IMMP2L: variants seen among roughly 807,000 people sequenced by gnomAD.
The protein encoded by IMMP2L is inner mitochondrial membrane peptidase subunit 2.
Under a neutral mutation model 19.3 loss-of-function variants are expected in IMMP2L, and 18 were observed. The ratio of observed to expected loss-of-function variants is 0.93; its 90% CI spans 0.64 to 1.38. The LOEUF (loss-of-function observed/expected upper bound fraction) is 1.38. Among genes scored for constraint, IMMP2L ranks in the 40% most tolerant of loss-of-function variants. IMMP2L has a pLI of 0.00. For missense variants in IMMP2L, 233 were observed against 218.2 expected (o/e 1.07, Z -0.43); for synonymous variants, 76 against 73.0 (o/e 1.04, Z -0.21).
chr7:111,053,141 C>A (rs1463060460), intron 3 of IMMP2L, among the ~76,000 whole-genome samples: 1 of 152,180 alleles, frequency 6.6e-6, no homozygotes, highest in Non-Finnish European at 1.5e-5. Context: ...AGAGCAGGAA[C>A]AAAAGGAAGG....
intron 3 of IMMP2L, among the ~76,000 whole-genome samples, chr7:111,410,252 T>C (rs184753265): frequency 6.6e-5 from 10 of 151,752 alleles, no homozygotes; most frequent in Admixed American, 5.9e-4. Context: ...CATGCCTTAG[T>C]AGTGAGTCTA....
At chr7:111,198,482 G>A (rs1809740119) in intron 3 of IMMP2L, among the ~76,000 whole-genome samples, 1 of 152,072 alleles carries the variant, frequency 6.6e-6, no homozygotes, top group Non-Finnish European at 1.5e-5. Flanking sequence ...CCTACAACAT[G>A]GGTGTACCAG....
At chr7:111,338,069 A>T (rs189703931) in intron 3 of IMMP2L, among the ~76,000 whole-genome samples, 1 of 152,272 alleles carries the variant, frequency 6.6e-6, no homozygotes, top group Admixed American at 6.5e-5. Context: ...GAGTGAGACA[A>T]AGGAAGAAGG....
chr7:110,683,483 G>A (rs1386029556), intron 5 of IMMP2L, among the ~76,000 whole-genome samples: 2 of 152,000 alleles, frequency 1.3e-5, no homozygotes, highest in Non-Finnish European at 2.9e-5. Context: ...TAATTGTAAA[G>A]CTTTTACTTT....
intron 3 of IMMP2L, among the ~76,000 whole-genome samples, chr7:111,177,870 G>A (rs1187611895): frequency 6.6e-6 from 1 of 152,070 alleles, no homozygotes; most frequent in Non-Finnish European, 1.5e-5. Flanking sequence ...CTTGTTGTCA[G>A]AGGGCAGGAA....
intron 3 of IMMP2L, among the ~76,000 whole-genome samples, chr7:111,304,248 G>A (rs745369560): frequency 2.0e-5 from 3 of 152,030 alleles, no homozygotes; most frequent in Non-Finnish European, 4.4e-5. Context: ...TTTCTGTCAT[G>A]AGATGAGAAA....
At chr7:111,331,576 C>CA (rs1825879412) in intron 3 of IMMP2L, among the ~76,000 whole-genome samples, 1 of 151,238 alleles carries the variant, frequency 6.6e-6, no homozygotes, top group Admixed American at 6.6e-5. Context: ...GTTCTCACCA[C>CA]AAAAAAAGGT....
chr7:110,704,921 C>T (rs1232311815), intron 5 of IMMP2L, among the ~76,000 whole-genome samples: 1 of 152,074 alleles, frequency 6.6e-6, no homozygotes, highest in African/African-American at 2.4e-5. Context: ...AGAAAACTTT[C>T]CAGCAAAGCA....
chr7:110,823,928 G>A (rs1803246919), intron 5 of IMMP2L, among the ~76,000 whole-genome samples: 1 of 152,052 alleles, frequency 6.6e-6, no homozygotes, highest in Non-Finnish European at 1.5e-5. Flanking sequence ...CTCAGAGGCA[G>A]AAGTCTGATC....
intron 3 of IMMP2L, among the ~76,000 whole-genome samples, chr7:111,307,355 T>A (rs1265486761): frequency 6.6e-6 from 1 of 151,830 alleles, no homozygotes; most frequent in Admixed American, 6.6e-5. Context: ...GTCGAGTCAC[T>A]AAGTTTTGAT....
intron 5 of IMMP2L, among the ~76,000 whole-genome samples, chr7:110,694,708 A>G (rs917022993): frequency 1.3e-5 from 2 of 152,208 alleles, no homozygotes; most frequent in African/African-American, 2.4e-5. Context: ...TTTATATATG[A>G]TCGAGCAATT....
chr7:110,882,290 T>TTCCTTCCC (rs1554445671), intron 5 of IMMP2L, among the ~76,000 whole-genome samples: 4 of 57,056 alleles, frequency 7.0e-5, no homozygotes, highest in Admixed American at 1.8e-4. Flanking sequence ...GTCAAGTGCC[T>TTCCTTCCC]TCCTTCCTTC....
intron 3 of IMMP2L, among the ~76,000 whole-genome samples, chr7:111,099,605 A>ATTAAAGCAAAAATGTTGC (rs1797753669): frequency 6.6e-6 from 1 of 151,744 alleles, no homozygotes; most frequent in Non-Finnish European, 1.5e-5. Context: ...TGAATGTAAA[A>ATTAAAGCAAAAATGTTGC]TTAAAGCAAA....
intron 5 of IMMP2L, among the ~76,000 whole-genome samples, chr7:110,857,157 C>G (rs1806881244): frequency 2.6e-5 from 4 of 152,066 alleles, no homozygotes; most frequent in African/African-American, 7.2e-5. Context: ...AAAACTATGT[C>G]TGATTTGTTC....
Position 111,121,680 on chromosome 7 carries a change from C to T in IMMP2L, c.240-158115G>A, listed in dbSNP as rs555561556. 4.6e-5 allele frequency among the ~76,000 whole-genome samples: 7 copies of T among 152,248 alleles called. No homozygotes were observed. The East Asian group carries it at 5.8e-4, about 13-fold the overall frequency. ...TGTAGAAGACAGTGTGGCGATTCCT[C>T]GGGGATCTAGAACTAGAAATACCAT... is the stretch of plus-strand genomic sequence containing the variant. On this transcript the variant is annotated intron_variant, in intron 3 of 5. Coordinates refer to ENST00000405709, the MANE Select transcript of IMMP2L (RefSeq NM_032549.4).
At chr7:111,010,787 A>G (rs1824860303) in intron 3 of IMMP2L, among the ~76,000 whole-genome samples, 1 of 152,096 alleles carries the variant, frequency 6.6e-6, no homozygotes, top group African/African-American at 2.4e-5. Flanking sequence ...CAGTGAGCAT[A>G]AAGGAAGCAC....
At chr7:110,853,459 A>G (rs981964602) in intron 5 of IMMP2L, among the ~76,000 whole-genome samples, 1 of 152,050 alleles carries the variant, frequency 6.6e-6, no homozygotes, top group African/African-American at 2.4e-5. Flanking sequence ...ATGTGAAGTA[A>G]TTAGGATAGC....
At chr7:111,465,976 C>T (rs1407243655) in intron 3 of IMMP2L, among the ~76,000 whole-genome samples, 6 of 152,092 alleles carry the variant, frequency 3.9e-5, no homozygotes, top group African/African-American at 1.4e-4. Flanking sequence ...ACATATACAC[C>T]ATGGAATACT....
intron 3 of IMMP2L, among the ~76,000 whole-genome samples, chr7:111,090,014 T>C (rs924342909): frequency 2.0e-5 from 3 of 151,978 alleles, no homozygotes; most frequent in Non-Finnish European, 4.4e-5. Flanking sequence ...CACTAGAGGG[T>C]AGTCTCTCAA....
Sources: allele counts gnomAD v4.1 joint callset (sites outside exome capture counted in the v4.1 genomes callset), GRCh38; gene constraint gnomAD v4.1.1; transcripts MANE v1.5; gene names NCBI Gene and HGNC (gene_info 2026-07-23, HGNC 2026-07-21).